Variants in UFSP2 observed in about 807,000 individuals in gnomAD.
UFSP2 encodes the protein UFM1 specific peptidase 2, also known as ufm1-specific protease 2.
Under a neutral mutation model 60.2 loss-of-function variants are expected in UFSP2, and 43 were observed. The observed-to-expected ratio is 0.71, with a 90% CI of 0.56 to 0.92. The LOEUF is 0.92. Among genes scored for constraint, UFSP2 ranks in the 40% least tolerant of loss-of-function variants. UFSP2 has a pLI of 0.00. For synonymous variants in UFSP2, 183 were observed against 195.1 expected (o/e 0.94, Z 0.52); for missense variants, 520 against 575.0 (o/e 0.90, Z 0.98).
chr4:185,401,483 T>G (rs6552879), intron 11 of UFSP2, among the ~76,000 whole-genome samples: 137,094 of 152,194 alleles, frequency 0.9, 61,865 homozygotes, highest in East Asian at 0.99. Flanking sequence ...AAGGAGAAAT[T>G]GGTAGAGAGG....
In UFSP2 at chr4:185,422,579, A is replaced by G. The variant is rs2095551383; in HGVS notation, c.4-16T>C. ...CTGAAATCACCTAGAACAAATAAAG[A>G]TAAAGACAAACTCCCTTGTAAAACA... is the stretch of plus-strand genomic sequence containing the variant. On this transcript the variant is annotated splice_polypyrimidine_tract_variant and intron_variant, in intron 1 of 11. Transcript: ENST00000264689. 4 of 1,554,840 alleles carry G rather than the reference A, an allele frequency of 2.6e-6. No individual in the cohort carries two copies. Among genetic ancestry groups the G allele is most frequent in the Non-Finnish European group, 2.6e-6 (3 of 1,145,070 alleles).
intron 6 of UFSP2, among the ~76,000 whole-genome samples, chr4:185,414,245 T>C (rs1221296478): frequency 6.6e-6 from 1 of 152,232 alleles, no homozygotes; most frequent in Non-Finnish European, 1.5e-5. Flanking sequence ...ACAATAATTA[T>C]ATCAAAGTAT....
At chr4:185,409,437 G>A (rs1293809190) in intron 7 of UFSP2, among the ~76,000 whole-genome samples, 1 of 152,056 alleles carries the variant, frequency 6.6e-6, no homozygotes, top group Non-Finnish European at 1.5e-5. Flanking sequence ...TGATCCTCCT[G>A]CCTCAGCCTC....
chr4:185,421,309 G>A (rs930099592), intron 2 of UFSP2, among the ~76,000 whole-genome samples: 1 of 152,172 alleles, frequency 6.6e-6, no homozygotes, highest in African/African-American at 2.4e-5. Context: ...CTCCTTCAAG[G>A]AATGCTGGTA....
At chr4:185,418,903 T>C in intron 2 of UFSP2, 133 bp from the exon 3 acceptor site, 1 of 689,942 alleles carries the variant, frequency 1.4e-6, no homozygotes, top group South Asian at 3.2e-5. Context: ...AATTTCAAAA[T>C]TTTTTGCCTA....
intron 11 of UFSP2, 125 bp downstream of exon 11, chr4:185,403,369 A>G: frequency 8.0e-7 from 1 of 1,246,366 alleles, no homozygotes; most frequent in Non-Finnish European, 1.1e-6. Flanking sequence ...CAACAGCCTC[A>G]GAAGGCCTCC....
chr4:185,400,214 T>C lies in UFSP2; in HGVS notation c.*178A>G, dbSNP rs1282574595. On this transcript the variant is annotated 3_prime_UTR_variant, in exon 12 of 12. Coordinates refer to ENST00000264689, the MANE Select transcript of UFSP2 (RefSeq NM_018359.5). ...ATGCTGGTTGTGTATGCTTTGTCTT[T>C]TAAGTTATTAAAGGAACGTCTAAAA... 1.4e-6 allele frequency: 1 copy of C among 707,562 alleles called. No individual in the cohort carries two copies. Among genetic ancestry groups the C allele is most frequent in the Non-Finnish European group, 2.3e-6 (1 of 434,370 alleles). 43.8% of individuals were successfully genotyped at this position (707,562 alleles called of 1,614,324 possible). A position where few individuals can be genotyped will look rare whatever the true frequency, so the allele number is the denominator to read the frequency against.
intron 7 of UFSP2, among the ~76,000 whole-genome samples, chr4:185,411,885 A>G (rs1204133817): frequency 1.3e-5 from 2 of 152,266 alleles, no homozygotes; most frequent in African/African-American, 2.4e-5. Flanking sequence ...GAATGATACC[A>G]TATTTATAAA....
chr4:185,409,746 G>A (rs939694178), intron 7 of UFSP2, among the ~76,000 whole-genome samples: 20 of 152,312 alleles, frequency 1.3e-4, no homozygotes, highest in African/African-American at 4.8e-4. Flanking sequence ...CGTGATTAAG[G>A]ATCTTAAGAT....
At chr4:185,412,974 T>C (rs1414432447) in intron 7 of UFSP2, among the ~76,000 whole-genome samples, 1 of 152,156 alleles carries the variant, frequency 6.6e-6, no homozygotes, top group Non-Finnish European at 1.5e-5. Context: ...CAACCGGGTA[T>C]ATGTTACATG....
At chr4:185,409,148 A>G (rs1333993492) in intron 7 of UFSP2, among the ~76,000 whole-genome samples, 1 of 152,214 alleles carries the variant, frequency 6.6e-6, no homozygotes, top group Non-Finnish European at 1.5e-5. Context: ...GAATAAAGGA[A>G]TGAACAAACA....
intron 7 of UFSP2, among the ~76,000 whole-genome samples, chr4:185,408,704 C>T (rs1181792408): frequency 6.6e-6 from 1 of 152,192 alleles, no homozygotes; most frequent in African/African-American, 2.4e-5. Context: ...GCTCCCTCTA[C>T]TTTCGGTTCC....
chr4:185,402,493 G>C (rs745369154), intron 11 of UFSP2: 5 of 294,962 alleles, frequency 1.7e-5, no homozygotes, highest in Non-Finnish European at 2.7e-5. Context: ...ACTTTTTTTT[G>C]AGCTGGAATT....
Position 185,425,937 on chromosome 4 carries a change from G to GC in UFSP2, c.-70_-69insG. The GC allele has an allele frequency of 3.2e-6, 5 of 1,555,662 alleles. No homozygotes were observed. Among genetic ancestry groups the GC allele is most frequent in the Non-Finnish European group, 4.4e-6 (5 of 1,147,856 alleles). ...AGTTCCGGGGGCCGGCCCTGAAGTG[G>GC]TGTCACCGCACGGCCCAGGGGCGGG... On this transcript the variant is annotated 5_prime_UTR_variant, in exon 1 of 12. Transcript: ENST00000264689.
At chr4:185,412,948 G>A (rs1456933180) in intron 7 of UFSP2, among the ~76,000 whole-genome samples, 3 of 152,102 alleles carry the variant, frequency 2.0e-5, no homozygotes, top group Non-Finnish European at 2.9e-5. Context: ...TACCTTTAGG[G>A]AGGATCTATC....
chr4:185,413,606 T>C, intron 7 of UFSP2, 120 bp downstream of exon 7: 1 of 996,120 alleles, frequency 1.0e-6, no homozygotes, highest in Non-Finnish European at 1.4e-6. Flanking sequence ...CAGAGATGGG[T>C]GATAAATCAT....
chr4:185,408,024 C>A lies in UFSP2; in HGVS notation c.1033G>T (p.Val345Phe). The A allele has an allele frequency of 1.9e-6, 3 of 1,614,036 alleles. No homozygotes were observed. The highest frequency in any genetic ancestry group is 2.5e-6 in the Non-Finnish European group (3 of 1,179,932). The change falls in exon 9 of 12, where the codon GTC (valine) becomes TTC (phenylalanine). Residue 345 changes from valine to phenylalanine, a missense_variant. Physicochemically the swap from Val to Phe is conservative, Grantham distance 50. Transcript: ENST00000264689. ...GATCCAATCCATTGCCGCGATCCGA[C>A]AAATGTTGCTGGTTTGTCCCCGGCA... ...VDAGDKPATFVGSRQWIGSIE... is the reference protein window; with the variant it reads ...VDAGDKPATFFGSRQWIGSIE...
rs566596676 is a variant in UFSP2 at position 185,409,980 on chromosome 4, T to C, written c.832-1545A>G. Among the ~76,000 whole-genome samples the C allele has an allele frequency of 3.7e-4, 56 of 152,332 alleles. 1 individual carries two copies. The South Asian group carries it at 7.2e-3, about 20-fold the overall frequency. On this transcript the variant is annotated intron_variant, in intron 7 of 11. Transcript: ENST00000264689. ...TGACATTGTGATGTCAGCCCAGTGA[T>C]ACTACTTTCAGAACTCCAGAACTGA...
rs2095510845 is a variant in UFSP2 at position 185,399,734 on chromosome 4, T to C, written c.*658A>G. The C allele has an allele frequency of 6.2e-7, 1 of 1,613,974 alleles. No homozygotes were observed. The highest frequency in any genetic ancestry group is 1.7e-5 in the Admixed American group (1 of 60,002). ...GCCGTGCTCAGACAGAAACGGAGTC[T>C]CGGAAGTGTAGAAAATACCAGTGGG... On this transcript the variant is annotated 3_prime_UTR_variant, in exon 12 of 12. Transcript: ENST00000264689.
Sources: allele counts gnomAD v4.1 joint callset (sites outside exome capture counted in the v4.1 genomes callset), GRCh38; gene constraint gnomAD v4.1.1; transcripts MANE v1.5; gene names NCBI Gene and HGNC (gene_info 2026-07-23, HGNC 2026-07-21).